SF3A2: variants seen among roughly 807,000 people sequenced by gnomAD.
SF3A2 encodes SAP 62.
A neutral mutation model predicts 31.1 loss-of-function variants in SF3A2; 5 were observed. That is an observed-to-expected ratio of 0.16 (90% CI 0.08 to 0.34). SF3A2 has a LOEUF of 0.34. SF3A2 is among the 10% of genes least tolerant of loss of function. The probability of loss-of-function intolerance (pLI) is 1.00; values close to 1 mark genes in which losing one functional copy is unlikely to be tolerated. For synonymous variants in SF3A2, 365 were observed against 263.7 expected (o/e 1.38, Z -3.72); for missense variants, 577 against 643.9 (o/e 0.90, Z 1.13).
intron 1 of SF3A2, among the ~76,000 whole-genome samples, chr19:2,240,631 G>A (rs1458643988): frequency 6.6e-6 from 1 of 152,226 alleles, no homozygotes; most frequent in Non-Finnish European, 1.5e-5. Context: ...GCCAGCCACT[G>A]GCCGCTGGGG....
In SF3A2 at chr19:2,245,308, G is replaced by A. The variant is rs1359319564; in HGVS notation, c.246-138G>A. 1 of 632,738 alleles carries A rather than the reference G, an allele frequency of 1.6e-6. No individual in the cohort carries two copies. The highest frequency in any genetic ancestry group is 1.8e-5 in the African/African-American group (1 of 54,442). 39.2% of individuals were successfully genotyped at this position (632,738 alleles called of 1,614,324 possible). A position where few individuals can be genotyped will look rare whatever the true frequency, so the allele number is the denominator to read the frequency against. On this transcript the variant is annotated intron_variant, in intron 4 of 8. Coordinates refer to ENST00000221494, the MANE Select transcript of SF3A2 (RefSeq NM_007165.5). This position sits in a 1 kb window ranked among gnomAD's most constrained non-coding sequence, Gnocchi z 4.2. Reference sequence around the variant, plus strand: ...TCCCTGTCCTCAGCCAAACCCCAGGGCCCCTCCCAGGCCCCTGGCCCTCCT... The same window carrying A: ...TCCCTGTCCTCAGCCAAACCCCAGGACCCCTCCCAGGCCCCTGGCCCTCCT...
intron 8 of SF3A2, 29 bp from the exon 9 acceptor site, chr19:2,247,738 G>A: frequency 1.9e-6 from 3 of 1,611,598 alleles, no homozygotes; most frequent in South Asian, 1.1e-5. Flanking sequence ...CCCCACCCGT[G>A]CCTGCTGAAC....
Position 2,248,040 on chromosome 19 carries a change from C to CA in SF3A2, c.889_890insA (p.Pro297HisfsTer?). The stretch of plus-strand genomic sequence containing the variant: ...CCCCCCGGCCCCAGTGGTGCATCCC[C>CA]CTGCATCTGGGGTCCATCCCCCAGC... On this transcript the variant is annotated frameshift_variant, in exon 9 of 9. Transcript: ENST00000221494. LOFTEE classifies it low-confidence loss of function (END_TRUNC). 1.0e-6 allele frequency: 1 copy of CA among 971,054 alleles called. No homozygotes were observed. The highest frequency in any genetic ancestry group is 2.0e-5 in the Admixed American group (1 of 48,970). 60.2% of individuals were successfully genotyped at this position (971,054 alleles called of 1,614,324 possible). A position where few individuals can be genotyped will look rare whatever the true frequency, so the allele number is the denominator to read the frequency against.
Position 2,243,288 on chromosome 19 carries a change from G to T in SF3A2, c.-37-94G>T, listed in dbSNP as rs567440899. ...CGCTGGGAGTGCAGGGTGAGGGGCA[G>T]TCTCGAGGGCTCCAGCCCAGCCCGC... is the stretch of plus-strand genomic sequence containing the variant. On this transcript the variant is annotated intron_variant, in intron 1 of 8. Coordinates refer to ENST00000221494, the MANE Select transcript of SF3A2 (RefSeq NM_007165.5). The T allele has an allele frequency of 1.1e-5, 12 of 1,059,200 alleles. No individual in the cohort carries two copies. The South Asian group carries it at 2.2e-4, about 19-fold the overall frequency. The allele number at this position is 1,059,200 out of a possible 1,614,324, so 65.6% of individuals were successfully genotyped here.
intron 4 of SF3A2, 59 bp downstream of exon 4, chr19:2,244,838 T>G: frequency 1.7e-5 from 26 of 1,519,898 alleles, no homozygotes; most frequent in Non-Finnish European, 2.3e-5. Context: ...CTCAAGTCTC[T>G]GTGAGCCTCG....
chr19:2,246,802 G>C lies in SF3A2; in HGVS notation c.405G>C (p.Gln135His). The C allele has an allele frequency of 6.2e-7, 1 of 1,613,972 alleles. No individual in the cohort carries two copies. The highest frequency in any genetic ancestry group is 8.5e-7 in the Non-Finnish European group (1 of 1,179,990). Residue 135 changes from glutamine to histidine, a missense_variant and splice_region_variant, in exon 6 of 9, where the codon CAG (glutamine) becomes CAC (histidine). Physicochemically the swap from Gln to His is conservative, Grantham distance 24 (BLOSUM62 0). This residue lies in a region of SF3A2 where 21 missense variants were observed against 38.6 expected (regional missense o/e 0.54). Coordinates refer to ENST00000221494, the MANE Select transcript of SF3A2 (RefSeq NM_007165.5). This position sits in a 1 kb window ranked among gnomAD's most constrained non-coding sequence, Gnocchi z 5.5. The stretch of plus-strand genomic sequence containing the variant: ...TGGGCCAGCAGAGCCTCCTCTTCCA[G>C]GTGAGATCAGGGACTTGGGCGTGGG... ...SEMGQQSLLF[Q>H]IDYPEIAEGI...
rs569235311 is a variant in SF3A2, at chr19:2,246,216, G to C, written c.356-537G>C. Among the ~76,000 whole-genome samples the C allele has an allele frequency of 4.9e-4, 74 of 152,264 alleles. No homozygotes were observed. The highest frequency in any genetic ancestry group is 1.7e-3 in the African/African-American group (69 of 41,548). On this transcript the variant is annotated intron_variant, in intron 5 of 8. Transcript: ENST00000221494. This position sits in a 1 kb window ranked among gnomAD's most constrained non-coding sequence, Gnocchi z 5.5. The stretch of plus-strand genomic sequence containing the variant: ...TGGTGGGGAGGCCCTGACAGGTCCT[G>C]GGCTTGGGCTCAGGACGGTGAGGCG...
At position 2,239,102 on chromosome 19, in the gene SF3A2, C is replaced by T. The variant is rs143805439; in HGVS notation, c.-38+2201C>T. Among the ~76,000 whole-genome samples, 6 of 152,320 alleles carry T rather than the reference C, an allele frequency of 3.9e-5. No homozygotes were observed. In the Middle Eastern group the frequency reaches 0.01, roughly 259 times the overall value. On this transcript the variant is annotated intron_variant, in intron 1 of 8. Transcript: ENST00000221494. The stretch of plus-strand genomic sequence containing the variant: ...TTTGTAGGCCGGGCGTGGTGGCTCA[C>T]GCCTGTAATCCCAGCACTTTGGGAG...
chr19:2,248,366 GGGGGTCCACCCCCAACCTCCC>G lies in SF3A2; in HGVS notation c.1224_1244del (p.Gln410_Pro416del), dbSNP rs1568391115. On this transcript the variant is annotated inframe_deletion, in exon 9 of 9. Coordinates refer to ENST00000221494, the MANE Select transcript of SF3A2 (RefSeq NM_007165.5). ...CCCCAGGGATGCACCCTCAGGCCCC[GGGGGTCCACCCCCAACCTCCC>G]GGGGTCCATCCGTCGGCTCCTGGGG... 3 of 1,354,820 alleles carry G rather than the reference GGGGGTCCACCCCCAACCTCCC, an allele frequency of 2.2e-6. No individual in the cohort carries two copies. The highest frequency in any genetic ancestry group is 1.7e-5 in the African/African-American group (1 of 60,372). The allele number at this position is 1,354,820 out of a possible 1,614,324, so 83.9% of individuals were successfully genotyped here.
At position 2,248,654 on chromosome 19, in the gene SF3A2, C is replaced by G. The variant is rs1048909938; in HGVS notation, c.*108C>G. The G allele has an allele frequency of 1.7e-5, 7 of 418,238 alleles. No homozygotes were observed. Among genetic ancestry groups the G allele is most frequent in the Admixed American group, 1.2e-4 (3 of 24,088 alleles). 25.9% of individuals were successfully genotyped at this position (418,238 alleles called of 1,614,324 possible). On this transcript the variant is annotated 3_prime_UTR_variant, in exon 9 of 9. Transcript: ENST00000221494. ...CCCCCGCTCATTAAACAGCCTCCCCCAGCCCTGAGTGCACTGATGTCCGCA... is the reference window on the plus strand; with the variant it reads ...CCCCCGCTCATTAAACAGCCTCCCCGAGCCCTGAGTGCACTGATGTCCGCA...
intron 1 of SF3A2, among the ~76,000 whole-genome samples, chr19:2,240,078 C>G (rs1444864164): frequency 6.6e-6 from 1 of 152,222 alleles, no homozygotes; most frequent in African/African-American, 2.4e-5. Flanking sequence ...GCCCAGTGGC[C>G]TGGCAAGGAG....
chr19:2,244,972 G>A, intron 4 of SF3A2, 193 bp downstream of exon 4: 1 of 601,042 alleles, frequency 1.7e-6, no homozygotes, highest in South Asian at 2.0e-5. Context: ...ATCACTTGAG[G>A]TCAGGAGTTC....
chr19:2,245,702 A>G lies in SF3A2; in HGVS notation c.355+147A>G, dbSNP rs2024925824. ...TGGTGGCCGTCCCTCACCCACCTGCAGCCTCTGGCGTTGTGTCTGGGAGCT... is the reference window on the plus strand; with the variant it reads ...TGGTGGCCGTCCCTCACCCACCTGCGGCCTCTGGCGTTGTGTCTGGGAGCT... On this transcript the variant is annotated intron_variant, in intron 5 of 8. Transcript: ENST00000221494. The surrounding 1 kb of genome is among the most constrained non-coding windows in gnomAD (Gnocchi z 4.2). 3.0e-6 allele frequency: 2 copies of G among 656,894 alleles called. No homozygotes were observed. The highest frequency in any genetic ancestry group is 2.3e-5 in the Admixed American group (1 of 44,326). 40.7% of individuals were successfully genotyped at this position (656,894 alleles called of 1,614,324 possible).
At chr19:2,240,343 A>C (rs2024878905) in intron 1 of SF3A2, among the ~76,000 whole-genome samples, 1 of 152,132 alleles carries the variant, frequency 6.6e-6, no homozygotes, top group Non-Finnish European at 1.5e-5. Context: ...CTAACTCTAG[A>C]GGCCCTTTTA....
chr19:2,238,434 C>T (rs1255228144), intron 1 of SF3A2, among the ~76,000 whole-genome samples: 2 of 152,198 alleles, frequency 1.3e-5, no homozygotes, highest in African/African-American at 2.4e-5. Flanking sequence ...TTGTAGACAT[C>T]ATCTGCTGAT....
chr19:2,242,474 G>A (rs1260050444), intron 1 of SF3A2, among the ~76,000 whole-genome samples: 1 of 152,142 alleles, frequency 6.6e-6, no homozygotes, highest in East Asian at 1.9e-4. Context: ...CTCTCATGAG[G>A]TCACCCAGGA....
At chr19:2,238,292 G>T (rs1201937659) in intron 1 of SF3A2, among the ~76,000 whole-genome samples, 1 of 152,206 alleles carries the variant, frequency 6.6e-6, no homozygotes, top group African/African-American at 2.4e-5. Flanking sequence ...AAAGTGGTAG[G>T]ATTACAGGCA....
Position 2,245,198 on chromosome 19 carries a change from AAAAAG to A in SF3A2, c.246-246_246-242del. 1 of 509,438 alleles carries A rather than the reference AAAAAG, an allele frequency of 2.0e-6. No individual in the cohort carries two copies. The highest frequency in any genetic ancestry group is 3.5e-6 in the Non-Finnish European group (1 of 289,390). The allele number at this position is 509,438 out of a possible 1,614,324, so 31.6% of individuals were successfully genotyped here. On this transcript the variant is annotated intron_variant, in intron 4 of 8. Coordinates refer to ENST00000221494, the MANE Select transcript of SF3A2 (RefSeq NM_007165.5). This position sits in a 1 kb window ranked among gnomAD's most constrained non-coding sequence, Gnocchi z 4.2. ...GACTCTTGTCTTATTAAAAAAAAAA[AAAAAG>A]AGCAGAGGCATGGAGTTGTTGGAAG...
intron 4 of SF3A2, 88 bp downstream of exon 4, chr19:2,244,867 C>T (rs891794759): frequency 1.5e-6 from 2 of 1,313,730 alleles, no homozygotes; most frequent in African/African-American, 1.5e-5. Context: ...TGCTCCACAG[C>T]CGGGGAGCCA....
Sources: allele counts gnomAD v4.1 joint callset (sites outside exome capture counted in the v4.1 genomes callset), GRCh38; gene constraint gnomAD v4.1.1; regional missense constraint gnomAD v4.1.1; non-coding constraint Gnocchi (gnomAD v3.1); transcripts MANE v1.5; gene names NCBI Gene and HGNC (gene_info 2026-07-23, HGNC 2026-07-21).